The following MFHAS1 variants were observed in gnomAD, a reference collection of about 807,000 sequenced individuals.
The protein encoded by MFHAS1 is malignant fibrous histiocytoma-amplified sequence 1.
Under a neutral mutation model 70.4 loss-of-function variants are expected in MFHAS1, and 50 were observed. The ratio of observed to expected loss-of-function variants is 0.71; its 90% CI spans 0.57 to 0.90. The LOEUF is 0.90. MFHAS1 is among the 40% of genes least tolerant of loss of function. The pLI is 0.00. For synonymous variants in MFHAS1, 952 were observed against 620.0 expected, an observed-to-expected ratio of 1.54 and a Z score of -7.96; for missense variants, 1,795 against 1,347.6, an observed-to-expected ratio of 1.33 and a Z score of -5.20.
intron 1 of MFHAS1, among the ~76,000 whole-genome samples, chr8:8,887,019 T>G (rs971427398): frequency 6.6e-6 from 1 of 151,964 alleles, no homozygotes; most frequent in Non-Finnish European, 1.5e-5. Flanking sequence ...TCCAGCTACT[T>G]GGGAGGCTGA....
Position 8,881,231 on chromosome 8 carries a change from A to G in MFHAS1, c.2998+8830T>C, listed in dbSNP as rs533358643. On this transcript the variant is annotated intron_variant, in intron 1 of 2. Coordinates refer to ENST00000276282, the MANE Select transcript of MFHAS1 (RefSeq NM_004225.3). ...TTTTCAGCTAAGAGATTGAGGAAGGAAAAATGTTCTGAAGGATTTAGTGCC... is the reference window on the plus strand; with the variant it reads ...TTTTCAGCTAAGAGATTGAGGAAGGGAAAATGTTCTGAAGGATTTAGTGCC... Among the ~76,000 whole-genome samples the G allele has an allele frequency of 3.3e-5, 5 of 152,342 alleles. No homozygotes were observed. In the South Asian group the frequency reaches 1.0e-3, roughly 32 times the overall value.
chr8:8,809,137 C>A (rs1223550552), intron 1 of MFHAS1, among the ~76,000 whole-genome samples: 1 of 152,184 alleles, frequency 6.6e-6, no homozygotes, highest in African/African-American at 2.4e-5. Context: ...CCCATCACCA[C>A]CAGATGGGAC....
In MFHAS1 at chr8:8,831,468, G is replaced by A. The variant is rs118051457; in HGVS notation, c.2999-33977C>T. ...GGAAAGCTAAGCAGGGTCGGGCCTC[G>A]TTAGTACTTGGATGGGAAAAATACA... On this transcript the variant is annotated intron_variant, in intron 1 of 2. Coordinates refer to ENST00000276282, the MANE Select transcript of MFHAS1 (RefSeq NM_004225.3). Among the ~76,000 whole-genome samples, 505 of 152,098 alleles carry A rather than the reference G, an allele frequency of 3.3e-3. 4 individuals are homozygous for A. Among genetic ancestry groups the A allele is most frequent in the East Asian group, 0.027 (141 of 5,168 alleles).
chr8:8,820,537 C>T (rs1254195047), intron 1 of MFHAS1, among the ~76,000 whole-genome samples: 1 of 152,190 alleles, frequency 6.6e-6, no homozygotes, highest in Admixed American at 6.5e-5. Flanking sequence ...TCCACCCGTG[C>T]TCACCCAAAC....
chr8:8,857,794 A>C (rs1808500859), intron 1 of MFHAS1, among the ~76,000 whole-genome samples: 1 of 152,156 alleles, frequency 6.6e-6, no homozygotes, highest in Non-Finnish European at 1.5e-5. Flanking sequence ...TTGTTTGTAA[A>C]CTCAGTAGAT....
intron 1 of MFHAS1, among the ~76,000 whole-genome samples, chr8:8,857,079 A>G (rs1808472733): frequency 6.6e-6 from 1 of 152,026 alleles, no homozygotes; most frequent in South Asian, 2.1e-4. Context: ...AAAACATCCT[A>G]GAGAGGCACT....
chr8:8,847,315 G>T (rs1808073289), intron 1 of MFHAS1, among the ~76,000 whole-genome samples: 2 of 152,136 alleles, frequency 1.3e-5, no homozygotes, highest in East Asian at 3.8e-4. Flanking sequence ...CTGAGTAGCT[G>T]GGATTAGAGG....
rs1186478038 is a variant in MFHAS1, at chr8:8,785,189, T to C, written c.*833A>G. The C allele has an allele frequency of 1.3e-5, 2 of 152,194 alleles. No homozygotes were observed. The highest frequency in any genetic ancestry group is 6.5e-5 in the Admixed American group (1 of 15,270). 9.4% of individuals were successfully genotyped at this position (152,194 alleles called of 1,614,324 possible). A position where few individuals can be genotyped will look rare whatever the true frequency, so the allele number is the denominator to read the frequency against. ...CTTTTTGTCCTCTTTGGCCCCTGAG[T>C]GTGCCCCATCTCTGCCCAGCACTAA... On this transcript the variant is annotated 3_prime_UTR_variant, in exon 3 of 3. Coordinates refer to ENST00000276282, the MANE Select transcript of MFHAS1 (RefSeq NM_004225.3).
At chr8:8,826,897 C>T (rs1807185804) in intron 1 of MFHAS1, among the ~76,000 whole-genome samples, 1 of 152,190 alleles carries the variant, frequency 6.6e-6, no homozygotes, top group Non-Finnish European at 1.5e-5. Context: ...ATTAGTACCG[C>T]AGAGGAGAAA....
chr8:8,788,869 G>A (rs904595387), intron 2 of MFHAS1, among the ~76,000 whole-genome samples: 1 of 152,124 alleles, frequency 6.6e-6, no homozygotes, highest in East Asian at 1.9e-4. Flanking sequence ...GCCCACCACG[G>A]CTGACCTCCC....
chr8:8,800,111 A>C (rs1176641639), intron 1 of MFHAS1, among the ~76,000 whole-genome samples: 2 of 152,182 alleles, frequency 1.3e-5, no homozygotes, highest in Non-Finnish European at 2.9e-5. Context: ...CAATCTAAAA[A>C]CGCTATTTTT....
intron 1 of MFHAS1, among the ~76,000 whole-genome samples, chr8:8,807,132 C>A (rs1322770364): frequency 1.3e-5 from 2 of 152,082 alleles, no homozygotes; most frequent in Non-Finnish European, 1.5e-5. Flanking sequence ...GAATGAAGGT[C>A]CCTCTAACCT....
chr8:8,846,271 GGAAGGAGGA>G (rs1808030619), intron 1 of MFHAS1, among the ~76,000 whole-genome samples: 1 of 102,812 alleles, frequency 9.7e-6, no homozygotes. Context: ...AGGGGGGGGG[GGAAGGAGGA>G]GGAGGGGGAG....
chr8:8,846,782 T>A (rs1051958264), intron 1 of MFHAS1, among the ~76,000 whole-genome samples: 1 of 152,092 alleles, frequency 6.6e-6, no homozygotes, highest in Non-Finnish European at 1.5e-5. Flanking sequence ...TTAGCCCTCC[T>A]AGACAGGTTT....
intron 1 of MFHAS1, among the ~76,000 whole-genome samples, chr8:8,881,350 C>T (rs1217740996): frequency 6.6e-6 from 1 of 152,186 alleles, no homozygotes; most frequent in African/African-American, 2.4e-5. Flanking sequence ...ATCCACGCAG[C>T]CACCATCATA....
At chr8:8,817,707 G>A (rs865856909) in intron 1 of MFHAS1, among the ~76,000 whole-genome samples, 10 of 152,244 alleles carry the variant, frequency 6.6e-5, no homozygotes, top group African/African-American at 1.2e-4. Flanking sequence ...GGATGGCGGA[G>A]GAGGGGGATG....
At chr8:8,805,115 C>CT (rs1416250186) in intron 1 of MFHAS1, among the ~76,000 whole-genome samples, 1 of 152,148 alleles carries the variant, frequency 6.6e-6, no homozygotes, top group African/African-American at 2.4e-5. Context: ...CACAACGGCC[C>CT]TTCCAATGCA....
intron 1 of MFHAS1, among the ~76,000 whole-genome samples, chr8:8,803,225 C>T (rs1389806395): frequency 2.0e-5 from 3 of 152,034 alleles, no homozygotes; most frequent in South Asian, 2.1e-4. Flanking sequence ...TTAAACTGCA[C>T]CTGGGCTGGA....
rs908945966 is a variant in MFHAS1 at position 8,893,528 on chromosome 8, C to A, written c.-470G>T. 1 of 146,366 alleles carries A rather than the reference C, an allele frequency of 6.8e-6. No homozygotes were observed. Among genetic ancestry groups the A allele is most frequent in the Non-Finnish European group, 1.5e-5 (1 of 65,778 alleles). 9.1% of individuals were successfully genotyped at this position (146,366 alleles called of 1,614,324 possible). On this transcript the variant is annotated 5_prime_UTR_variant, in exon 1 of 3. Transcript: ENST00000276282. ...CGGGCGCAGGGCTGGGGCGCAGCCG[C>A]GGGGAGGGGGCGGCGGCGCCTCCTT...
Sources: gnomAD v4.1 joint callset for allele counts (sites outside exome capture counted in the v4.1 genomes callset) on GRCh38, gnomAD v4.1.1 for gene constraint, MANE v1.5 for transcripts, NCBI Gene and HGNC (gene_info 2026-07-23, HGNC 2026-07-21) for gene names.